The following UPRT variants were observed in gnomAD, a reference collection of about 807,000 sequenced individuals.
The protein encoded by UPRT is uracil phosphoribosyltransferase homolog.
In UPRT, 5 loss-of-function variants were observed where a neutral mutation model predicts 22.6. The observed-to-expected ratio is 0.22, with a 90% CI of 0.12 to 0.47. The LOEUF is 0.47. Among genes scored for constraint, UPRT ranks in the 20% least tolerant of loss-of-function variants. The pLI is 0.99. For missense variants in UPRT, 181 were observed against 239.9 expected, an observed-to-expected ratio of 0.75 and a Z score of 1.62; for synonymous variants, 77 against 87.7, an observed-to-expected ratio of 0.88 and a Z score of 0.68.
chrX:75,232,572 C>A (rs1403503680), intron 4 of UPRT, among the ~76,000 whole-genome samples: 2 of 112,193 alleles, frequency 1.8e-5, no homozygotes, highest in African/African-American at 3.2e-5. Flanking sequence ...GTTCTCCCAG[C>A]ACGCAGCTGG....
Position 75,173,125 on chromosome X carries a change from C to T in UPRT, c.-447+5246C>T, listed in dbSNP as rs768909127. 7.5e-4 allele frequency among the ~76,000 whole-genome samples: 84 copies of T among 111,741 alleles called. No individual in the cohort carries two copies. The South Asian group carries it at 0.017, about 23-fold the overall frequency. ...ATCAGATTAGTTAGATACAGAGTTT[C>T]GACACACAGGTTCTCTAAGGCCCTA... On this transcript the variant is annotated intron_variant, in intron 4 of 13. Transcript: ENST00000652605.
rs761846140 is a variant in UPRT at position 75,180,956 on chromosome X, T to C, written c.-447+13077T>C. ...TTGCCCATGCCTATGTCCTGAATGGTATTGCCTAGATTGTCTTCCAGGGTT... is the reference window on the plus strand; with the variant it reads ...TTGCCCATGCCTATGTCCTGAATGGCATTGCCTAGATTGTCTTCCAGGGTT... On this transcript the variant is annotated intron_variant, in intron 4 of 13. Coordinates refer to the UPRT transcript ENST00000652605. Among the ~76,000 whole-genome samples, 108 of 110,228 alleles carry C rather than the reference T, an allele frequency of 9.8e-4. 1 individual carries two copies. The highest frequency in any genetic ancestry group is 1.8e-3 in the Non-Finnish European group (97 of 52,856).
rs1275976256 is a variant in UPRT at position 75,166,458 on chromosome X, A to G, written c.-520-1348A>G. ...CAAACTACGACAGCCTCCTCCATGGAGCTAACTTCATAACAAAGGTGGGTT... is the reference window on the plus strand; with the variant it reads ...CAAACTACGACAGCCTCCTCCATGGGGCTAACTTCATAACAAAGGTGGGTT... On this transcript the variant is annotated intron_variant, in intron 3 of 13. Transcript: ENST00000652605. Among the ~76,000 whole-genome samples the G allele has an allele frequency of 2.7e-5, 3 of 111,724 alleles. No homozygotes were observed. The Admixed American group carries it at 2.9e-4, about 11-fold the overall frequency.
At chrX:75,262,886 G>C (rs1328712132) in intron 4 of UPRT, among the ~76,000 whole-genome samples, 1 of 111,379 alleles carries the variant, frequency 9.0e-6, no homozygotes, top group African/African-American at 3.3e-5. Context: ...GTCAATATTT[G>C]ACAGATCAAT....
intron 1 of UPRT, among the ~76,000 whole-genome samples, chrX:75,277,387 A>G (rs941673882): frequency 4.5e-5 from 5 of 111,314 alleles, no homozygotes; most frequent in African/African-American, 1.6e-4. Flanking sequence ...TTATGTAGTA[A>G]ACCTGGGTGT....
intron 4 of UPRT, among the ~76,000 whole-genome samples, chrX:75,170,026 G>T (rs766835249): frequency 1.1e-5 from 1 of 93,456 alleles, no homozygotes; most frequent in Non-Finnish European, 2.1e-5. Context: ...ATATAATGTC[G>T]CTCTGTGTCT....
intron 4 of UPRT, among the ~76,000 whole-genome samples, chrX:75,209,566 T>A (rs924127622): frequency 9.0e-6 from 1 of 111,679 alleles, no homozygotes; most frequent in Non-Finnish European, 1.9e-5. Context: ...AGAGACGGGG[T>A]TTCACCATGT....
intron 2 of UPRT, among the ~76,000 whole-genome samples, chrX:75,296,015 C>T (rs775843742): frequency 8.9e-6 from 1 of 112,019 alleles, no homozygotes; most frequent in Admixed American, 9.5e-5. Context: ...AAGTATATTA[C>T]TTCCAAGAGT....
At chrX:75,255,072 G>C (rs6647673) in intron 4 of UPRT, among the ~76,000 whole-genome samples, 15 of 109,880 alleles carry the variant, frequency 1.4e-4, no homozygotes, top group East Asian at 5.7e-4. Context: ...ACCGCGCCCG[G>C]CCAGGAAAGA....
chrX:75,217,200 G>C (rs1162827084), intron 4 of UPRT, among the ~76,000 whole-genome samples: 1 of 111,723 alleles, frequency 9.0e-6, no homozygotes, highest in Non-Finnish European at 1.9e-5. Context: ...TTTTGGTTAA[G>C]GTATTGAGCA....
intron 4 of UPRT, among the ~76,000 whole-genome samples, chrX:75,232,955 A>G (rs1314900404): frequency 1.8e-5 from 2 of 112,531 alleles, no homozygotes; most frequent in Non-Finnish European, 3.7e-5. Flanking sequence ...TGACGAGCTG[A>G]GAGAAGAAGG....
intron 4 of UPRT, among the ~76,000 whole-genome samples, chrX:75,168,383 G>C (rs974897414): frequency 1.1e-5 from 1 of 93,119 alleles, no homozygotes; most frequent in African/African-American, 4.1e-5. Flanking sequence ...AAATAATTTT[G>C]ATATTAACCA....
At chrX:75,249,146 T>G (rs1328803531) in intron 4 of UPRT, among the ~76,000 whole-genome samples, 1 of 111,288 alleles carries the variant, frequency 9.0e-6, no homozygotes, top group Non-Finnish European at 1.9e-5. Flanking sequence ...AAGAGCTGCA[T>G]CAACTAACGA....
At chrX:75,227,400 C>T (rs745804456) in intron 4 of UPRT, among the ~76,000 whole-genome samples, 16 of 111,491 alleles carry the variant, frequency 1.4e-4, no homozygotes, top group Non-Finnish European at 2.6e-4. Flanking sequence ...CAGTATTCCA[C>T]TCAGGAATCT....
intron 1 of UPRT, among the ~76,000 whole-genome samples, chrX:75,291,209 A>G (rs1250747548): frequency 8.9e-6 from 1 of 111,785 alleles, no homozygotes; most frequent in African/African-American, 3.2e-5. Context: ...TTAGATATCT[A>G]TACTTTGGAT....
chrX:75,282,632 G>A (rs191315093), intron 1 of UPRT, among the ~76,000 whole-genome samples: 1 of 111,989 alleles, frequency 8.9e-6, no homozygotes, highest in Non-Finnish European at 1.9e-5. Flanking sequence ...TGCGGTCTGA[G>A]AGAGTGCTTG....
At chrX:75,173,869 G>A (rs977607792) in intron 4 of UPRT, among the ~76,000 whole-genome samples, 1 of 112,318 alleles carries the variant, frequency 8.9e-6, no homozygotes, top group Non-Finnish European at 1.9e-5. Context: ...CCCGGGGCTG[G>A]CAGGGCTGGC....
intron 3 of UPRT, among the ~76,000 whole-genome samples, chrX:75,167,404 A>C (rs187435832): frequency 4.5e-5 from 5 of 111,917 alleles, no homozygotes; most frequent in African/African-American, 6.5e-5. Flanking sequence ...GTAAAGCATG[A>C]ATTGTACGAC....
chrX:75,199,103 G>A lies in UPRT; in HGVS notation c.-447+31224G>A, dbSNP rs150992181. Among the ~76,000 whole-genome samples, 384 of 111,818 alleles carry A rather than the reference G, an allele frequency of 3.4e-3. 1 individual carries two copies. The highest frequency in any genetic ancestry group is 0.012 in the African/African-American group (365 of 30,807). ...TAAATAAACTTGAAAGGCAGTCTGTGCCACAAGGACTGCAACTCCTAGGCA... is the reference window on the plus strand; with the variant it reads ...TAAATAAACTTGAAAGGCAGTCTGTACCACAAGGACTGCAACTCCTAGGCA... On this transcript the variant is annotated intron_variant, in intron 4 of 13. Transcript: ENST00000652605.
Sources: allele counts gnomAD v4.1 joint callset (sites outside exome capture counted in the v4.1 genomes callset), GRCh38; gene constraint gnomAD v4.1.1; transcripts MANE v1.5; gene names NCBI Gene and HGNC (gene_info 2026-07-23, HGNC 2026-07-21).